CCDC3: variants seen among roughly 807,000 people sequenced by gnomAD.
CCDC3 encodes the protein coiled-coil domain-containing protein 3.
A neutral mutation model predicts 21.4 loss-of-function variants in CCDC3; 24 were observed. The observed-to-expected ratio is 1.12, with a 90% confidence interval of 0.81 to 1.58. The LOEUF (loss-of-function observed/expected upper bound fraction) is 1.58. Among genes scored for constraint, CCDC3 ranks in the 40% most tolerant of loss-of-function variants. The pLI, the probability that CCDC3 is intolerant of heterozygous loss-of-function variation, is 0.00. For synonymous variants in CCDC3, 186 were observed against 166.0 expected (o/e 1.12, Z -0.93); for missense variants, 425 against 360.9 (o/e 1.18, Z -1.44).
intron 3 of CCDC3, among the ~76,000 whole-genome samples, chr10:13,091,007 C>A (rs574142945): frequency 6.6e-6 from 1 of 152,138 alleles, no homozygotes; most frequent in African/African-American, 2.4e-5. Context: ...GTCCAAGGGC[C>A]GAAGAACTTG....
chr10:12,951,126 G>GTAATTCAAGCACTT (rs1183028749), intron 2 of CCDC3, among the ~76,000 whole-genome samples: 2 of 152,198 alleles, frequency 1.3e-5, no homozygotes, highest in East Asian at 3.9e-4. Flanking sequence ...GCTCATGCCT[G>GTAATTCAAGCACTT]TAATTCAAGC....
intron 4 of CCDC3, among the ~76,000 whole-genome samples, chr10:13,053,570 A>G (rs1209789817): frequency 6.6e-6 from 1 of 152,240 alleles, no homozygotes; most frequent in Non-Finnish European, 1.5e-5. Context: ...ATAATAAAAT[A>G]AAATAAAATG....
intron 4 of CCDC3, among the ~76,000 whole-genome samples, chr10:13,066,605 C>T (rs1836822146): frequency 6.6e-6 from 1 of 152,150 alleles, no homozygotes; most frequent in Non-Finnish European, 1.5e-5. Flanking sequence ...CATGATGAGA[C>T]AGCCAAATGC....
chr10:13,001,687 C>T lies in CCDC3; in HGVS notation c.-117G>A. ...GGCCGCTCCCGGGAGCTGAGCGCAC[C>T]GCTGTCTCCGCCACGGGGCTCGGCA... On this transcript the variant is annotated 5_prime_UTR_variant, in exon 1 of 3. Transcript: ENST00000378825. 1.6e-6 allele frequency: 1 copy of T among 637,510 alleles called. No homozygotes were observed. Among genetic ancestry groups the T allele is most frequent in the Non-Finnish European group, 2.0e-6 (1 of 503,616 alleles). The allele number at this position is 637,510 out of a possible 1,614,324, so 39.5% of individuals were successfully genotyped here.
chr10:12,913,303 T>G (rs1325566595), intron 2 of CCDC3, among the ~76,000 whole-genome samples: 3 of 152,268 alleles, frequency 2.0e-5, no homozygotes, highest in African/African-American at 7.2e-5. Flanking sequence ...TTCACCATTT[T>G]GGTTAAGTTT....
upstream of CCDC3, among the ~76,000 whole-genome samples, chr10:13,004,720 C>A (rs890699885): frequency 1.1e-4 from 17 of 151,980 alleles, no homozygotes; most frequent in Admixed American, 6.6e-5. Context: ...GTTAGCTAGG[C>A]CAGCCGTGGT....
chr10:13,018,041 C>T (rs1269708756), intron 5 of CCDC3, among the ~76,000 whole-genome samples: 1 of 151,420 alleles, frequency 6.6e-6, no homozygotes, highest in African/African-American at 2.4e-5. Context: ...AAACTGAGAG[C>T]AAGGTGGGTT....
intron 2 of CCDC3, among the ~76,000 whole-genome samples, chr10:12,957,760 T>C (rs2580891): frequency 0.96 from 145,621 of 152,310 alleles, 69,888 homozygotes; most frequent in East Asian, 1. Context: ...TTCCTGAGAC[T>C]GCCCCAGAAG....
At chr10:13,013,572 A>G (rs1216811656) in intron 5 of CCDC3, among the ~76,000 whole-genome samples, 1 of 152,234 alleles carries the variant, frequency 6.6e-6, no homozygotes, top group African/African-American at 2.4e-5. Flanking sequence ...GAAAAAGAAC[A>G]TTACAGATGG....
intron 5 of CCDC3, among the ~76,000 whole-genome samples, chr10:13,008,343 G>A (rs983913211): frequency 6.6e-6 from 1 of 152,188 alleles, no homozygotes; most frequent in Admixed American, 6.5e-5. Flanking sequence ...ATGCAGAAGG[G>A]CAGCCCAAGC....
intron 2 of CCDC3, among the ~76,000 whole-genome samples, chr10:12,954,550 T>C (rs1022614554): frequency 6.6e-6 from 1 of 152,086 alleles, no homozygotes; most frequent in Non-Finnish European, 1.5e-5. Context: ...CTTCCACTCA[T>C]GGTGGAAGGT....
At chr10:13,032,120 G>A (rs543687624) in intron 5 of CCDC3, among the ~76,000 whole-genome samples, 6 of 152,240 alleles carry the variant, frequency 3.9e-5, no homozygotes, top group African/African-American at 1.4e-4. Context: ...GAACCCAGCA[G>A]CACATCAAAA....
At chr10:12,909,471 G>T (rs7899590) in intron 2 of CCDC3, among the ~76,000 whole-genome samples, 40,129 of 152,154 alleles carry the variant, frequency 0.26, 7,129 homozygotes, top group African/African-American at 0.5. Context: ...GTGCCAACCC[G>T]GGCTGAGTGA....
intron 2 of CCDC3, among the ~76,000 whole-genome samples, chr10:12,955,409 C>T (rs1036885014): frequency 1.3e-5 from 2 of 152,190 alleles, no homozygotes; most frequent in East Asian, 3.9e-4. Flanking sequence ...GAAAATACAG[C>T]CTTTCTTAGG....
At chr10:12,908,509 A>G (rs924364459) in intron 2 of CCDC3, among the ~76,000 whole-genome samples, 13 of 152,152 alleles carry the variant, frequency 8.5e-5, no homozygotes, top group African/African-American at 3.1e-4. Context: ...GGGAAACACT[A>G]GGTCATGGAA....
chr10:13,008,360 G>C (rs1470885451), intron 5 of CCDC3, among the ~76,000 whole-genome samples: 1 of 152,198 alleles, frequency 6.6e-6, no homozygotes, highest in Non-Finnish European at 1.5e-5. Context: ...AAGCCAGGGA[G>C]TCAGAGGCCA....
intron 2 of CCDC3, among the ~76,000 whole-genome samples, chr10:12,947,075 CT>C (rs1370867865): frequency 1.3e-5 from 2 of 151,892 alleles, no homozygotes; most frequent in African/African-American, 2.4e-5. Flanking sequence ...GCTCTGTCTC[CT>C]TAGTTTTTTG....
chr10:13,017,102 G>A (rs1817296758), intron 5 of CCDC3, among the ~76,000 whole-genome samples: 1 of 152,082 alleles, frequency 6.6e-6, no homozygotes, highest in Non-Finnish European at 1.5e-5. Flanking sequence ...GTTAAGCAAT[G>A]TGCTGGTGTC....
At chr10:13,025,983 C>T (rs111778456) in intron 5 of CCDC3, among the ~76,000 whole-genome samples, 1,556 of 152,226 alleles carry the variant, frequency 0.01, 20 homozygotes, top group African/African-American at 0.035. Flanking sequence ...GAGTTCAAGA[C>T]CAGCCTGGCC....
Sources: allele counts gnomAD v4.1 joint callset (sites outside exome capture counted in the v4.1 genomes callset), GRCh38; gene constraint gnomAD v4.1.1; transcripts MANE v1.5; gene names NCBI Gene and HGNC (gene_info 2026-07-23, HGNC 2026-07-21).